MAPK4: variants seen among roughly 807,000 people sequenced by gnomAD.
MAPK4 encodes the protein mitogen-activated protein kinase 4, also known as Erk3-related.
Under a neutral mutation model 47.7 loss-of-function variants are expected in MAPK4, and 22 were observed. The ratio of observed to expected loss-of-function variants is 0.46; its 90% CI spans 0.33 to 0.66. The LOEUF (loss-of-function observed/expected upper bound fraction) is 0.66, where lower values mean the gene tolerates loss of function less well. Among genes scored for constraint, MAPK4 ranks in the 30% least tolerant of loss-of-function variants. MAPK4 has a pLI of 0.02. For synonymous variants in MAPK4, 390 were observed against 365.7 expected (o/e 1.07, Z -0.76); for missense variants, 736 against 831.7 (o/e 0.88, Z 1.42).
intron 1 of MAPK4, among the ~76,000 whole-genome samples, chr18:50,621,342 G>A (rs1297281995): frequency 6.6e-6 from 1 of 152,174 alleles, no homozygotes; most frequent in African/African-American, 2.4e-5. Flanking sequence ...CTGTTCTTAA[G>A]CACAAAAATG....
chr18:50,576,621 G>T (rs2042299702), intron 1 of MAPK4, among the ~76,000 whole-genome samples: 1 of 152,068 alleles, frequency 6.6e-6, no homozygotes, highest in Admixed American at 6.5e-5. Flanking sequence ...CTGCATATGT[G>T]CCCTGAACCT....
intron 2 of MAPK4, among the ~76,000 whole-genome samples, chr18:50,701,957 T>C (rs1018833044): frequency 1.3e-5 from 2 of 151,752 alleles, no homozygotes; most frequent in Non-Finnish European, 2.9e-5. Context: ...GCTCAGGAGT[T>C]TGAGACCAGC....
intron 1 of MAPK4, among the ~76,000 whole-genome samples, chr18:50,656,411 T>TC (rs1057344483): frequency 6.6e-6 from 1 of 151,998 alleles, no homozygotes; most frequent in Non-Finnish European, 1.5e-5. Context: ...CTCACAGGGA[T>TC]CCCCCCATAG....
chr18:50,569,439 G>A (rs1217388079), intron 1 of MAPK4, among the ~76,000 whole-genome samples: 2 of 152,134 alleles, frequency 1.3e-5, no homozygotes, highest in South Asian at 2.1e-4. Flanking sequence ...GGTTTTCTGG[G>A]GTATCAGCAA....
At chr18:50,613,934 A>G (rs942206717) in intron 1 of MAPK4, among the ~76,000 whole-genome samples, 2 of 152,230 alleles carry the variant, frequency 1.3e-5, no homozygotes, top group African/African-American at 2.4e-5. Context: ...AGACAAATGA[A>G]TGAAATACCA....
At chr18:50,572,399 A>G (rs868197169) in intron 1 of MAPK4, among the ~76,000 whole-genome samples, 50 of 152,342 alleles carry the variant, frequency 3.3e-4, no homozygotes, top group Admixed American at 1.6e-3. Context: ...GACTCAGGTC[A>G]TTATGAAGTT....
intron 1 of MAPK4, among the ~76,000 whole-genome samples, chr18:50,599,304 A>T (rs1391371106): frequency 1.3e-5 from 2 of 152,230 alleles, no homozygotes; most frequent in Non-Finnish European, 2.9e-5. Context: ...ACAGATTTTT[A>T]AAAACCCTAT....
chr18:50,701,057 G>A (rs982312605), intron 2 of MAPK4, among the ~76,000 whole-genome samples: 2 of 152,108 alleles, frequency 1.3e-5, no homozygotes, highest in East Asian at 3.9e-4. Flanking sequence ...TCCAGCCCTC[G>A]AGATGATTTT....
intron 1 of MAPK4, among the ~76,000 whole-genome samples, chr18:50,578,202 A>AGC (rs1043991538): frequency 1.3e-5 from 2 of 152,212 alleles, no homozygotes; most frequent in African/African-American, 4.8e-5. Flanking sequence ...TTAAACTGCG[A>AGC]GCGCTCAGCT....
intron 2 of MAPK4, among the ~76,000 whole-genome samples, chr18:50,694,492 G>A (rs142055873): frequency 2.0e-5 from 3 of 152,208 alleles, no homozygotes; most frequent in East Asian, 1.9e-4. Context: ...TCCATCCACC[G>A]GAGCCCTATG....
chr18:50,641,929 G>C (rs375775832), intron 1 of MAPK4, among the ~76,000 whole-genome samples: 4 of 152,178 alleles, frequency 2.6e-5, no homozygotes, highest in African/African-American at 7.2e-5. Context: ...TTCCTGTAAG[G>C]GTTTGTATTT....
chr18:50,722,381 A>T (rs560920177), intron 4 of MAPK4, among the ~76,000 whole-genome samples: 7 of 151,896 alleles, frequency 4.6e-5, no homozygotes, highest in African/African-American at 1.4e-4. Flanking sequence ...TCTTTCCTTC[A>T]TCCTCCCTCA....
At chr18:50,700,007 G>A (rs1909701473) in intron 2 of MAPK4, among the ~76,000 whole-genome samples, 1 of 152,192 alleles carries the variant, frequency 6.6e-6, no homozygotes, top group East Asian at 1.9e-4. Context: ...AGTTTTTTGG[G>A]GAGGGTAGGA....
chr18:50,602,557 CCA>C (rs1244898546), intron 1 of MAPK4, among the ~76,000 whole-genome samples: 1 of 152,202 alleles, frequency 6.6e-6, no homozygotes, highest in Non-Finnish European at 1.5e-5. Flanking sequence ...GAACTCCAGT[CCA>C]CAAGGGGTAA....
chr18:50,666,220 A>G (rs949349215), intron 2 of MAPK4, among the ~76,000 whole-genome samples: 3 of 152,182 alleles, frequency 2.0e-5, no homozygotes, highest in African/African-American at 7.2e-5. Flanking sequence ...GGCTATCGCA[A>G]TAATTCTTTG....
chr18:50,716,023 C>G (rs766979880), intron 3 of MAPK4, among the ~76,000 whole-genome samples: 17 of 152,208 alleles, frequency 1.1e-4, no homozygotes, highest in Non-Finnish European at 2.2e-4. Flanking sequence ...AGTGAACCTT[C>G]AAAACCCAGC....
At chr18:50,660,865 G>A (rs1426131542) in intron 1 of MAPK4, among the ~76,000 whole-genome samples, 4 of 152,302 alleles carry the variant, frequency 2.6e-5, no homozygotes, top group East Asian at 3.9e-4. Flanking sequence ...TTGCCACGTT[G>A]ACATCGTACC....
At position 50,584,033 on chromosome 18, in the gene MAPK4, G is replaced by C. The variant is rs147245160; in HGVS notation, c.-871+23790G>C. Among the ~76,000 whole-genome samples, 552 of 152,290 alleles carry C rather than the reference G, an allele frequency of 3.6e-3. 5 individuals carry two copies. Among genetic ancestry groups the C allele is most frequent in the African/African-American group, 0.013 (527 of 41,556 alleles). On this transcript the variant is annotated intron_variant, in intron 1 of 5. Transcript: ENST00000400384. ...CATATTGAGGATTGAGTAAGATCCT[G>C]TTCATCATAATTGCTATGCTTTCAC...
At chr18:50,727,334 A>G (rs1911254989) in intron 5 of MAPK4, among the ~76,000 whole-genome samples, 2 of 152,206 alleles carry the variant, frequency 1.3e-5, no homozygotes, top group South Asian at 4.1e-4. Context: ...ACAGCTAGTT[A>G]CATAAGTGAC....
Sources: gnomAD v4.1 joint callset for allele counts (sites outside exome capture counted in the v4.1 genomes callset) on GRCh38, gnomAD v4.1.1 for gene constraint, MANE v1.5 for transcripts, NCBI Gene and HGNC (gene_info 2026-07-23, HGNC 2026-07-21) for gene names.